Variants in ZNF618 observed in about 807,000 individuals in gnomAD.
ZNF618 encodes zinc finger protein 618.
ZNF618 carries 34 observed loss-of-function variants against 103.0 expected under a neutral mutation model. The ratio of observed to expected loss-of-function variants is 0.33; its 90% CI spans 0.25 to 0.44. ZNF618 has a LOEUF of 0.44. Among genes scored for constraint, ZNF618 ranks in the 20% least tolerant of loss-of-function variants. ZNF618 has a pLI of 1.00. For synonymous variants in ZNF618, 551 were observed against 542.2 expected, an observed-to-expected ratio of 1.02 and a Z score of -0.23; for missense variants, 1,059 against 1,295.4, an observed-to-expected ratio of 0.82 and a Z score of 2.80.
intron 1 of ZNF618, among the ~76,000 whole-genome samples, chr9:113,905,859 TC>T (rs1437596083): frequency 6.6e-6 from 1 of 152,188 alleles, no homozygotes; most frequent in Admixed American, 6.5e-5. Context: ...ACCTCTGAGC[TC>T]TGCTTGGTTT....
intron 10 of ZNF618, among the ~76,000 whole-genome samples, chr9:114,024,465 T>G (rs761672211): frequency 2.6e-5 from 4 of 152,282 alleles, no homozygotes; most frequent in Admixed American, 6.5e-5. Context: ...TGTCTTCCTT[T>G]GAAAAGAGTT....
intron 1 of ZNF618, among the ~76,000 whole-genome samples, chr9:113,880,799 C>A (rs1280693458): frequency 1.3e-5 from 2 of 152,150 alleles, no homozygotes; most frequent in African/African-American, 4.8e-5. Context: ...CTGTGGGTCA[C>A]GGCCAAAAGA....
chr9:113,985,886 T>G (rs1588239569), intron 2 of ZNF618, among the ~76,000 whole-genome samples: 1 of 152,220 alleles, frequency 6.6e-6, no homozygotes, highest in Non-Finnish European at 1.5e-5. Context: ...AAGGAATTAG[T>G]ATGTTAGAAC....
rs555001167 is a variant in ZNF618, at chr9:113,939,682, T to G, written c.34-29435T>G. 2.0e-5 allele frequency among the ~76,000 whole-genome samples: 3 copies of G among 152,218 alleles called. No individual in the cohort carries two copies. In the South Asian group the frequency reaches 6.2e-4, roughly 32 times the overall value. The stretch of plus-strand genomic sequence containing the variant: ...TTTTCTATTTCCTCTTGAGTCAATT[T>G]TGGGTAATTTTTATTATTTACAAAA... On this transcript the variant is annotated intron_variant, in intron 1 of 14. Transcript: ENST00000374126.
intron 4 of ZNF618, among the ~76,000 whole-genome samples, chr9:114,000,551 T>C (rs1841091336): frequency 6.6e-6 from 1 of 150,414 alleles, no homozygotes; most frequent in Non-Finnish European, 1.5e-5. Context: ...CAATTCTTCT[T>C]CCAGTGTGAC....
chr9:113,880,819 G>A (rs1564121203), intron 1 of ZNF618, among the ~76,000 whole-genome samples: 2 of 152,298 alleles, frequency 1.3e-5, no homozygotes, highest in African/African-American at 2.4e-5. Flanking sequence ...AGTTTGAAAG[G>A]TACTGGACTA....
At chr9:113,879,175 G>T (rs1828251826) in intron 1 of ZNF618, among the ~76,000 whole-genome samples, 1 of 151,726 alleles carries the variant, frequency 6.6e-6, no homozygotes, top group Admixed American at 6.6e-5. Context: ...GGGAGGGGTG[G>T]AGGGGGGTAG....
intron 1 of ZNF618, among the ~76,000 whole-genome samples, chr9:113,938,750 A>T (rs2132011098): frequency 6.6e-6 from 1 of 151,722 alleles, no homozygotes; most frequent in East Asian, 2.0e-4. Context: ...TTGTATTTTT[A>T]GTAGAGACGG....
chr9:113,896,606 C>T (rs1415667937), intron 1 of ZNF618, among the ~76,000 whole-genome samples: 1 of 151,896 alleles, frequency 6.6e-6, no homozygotes, highest in Non-Finnish European at 1.5e-5. Context: ...ACATAAGCCA[C>T]TTTTATATAT....
intron 9 of ZNF618, among the ~76,000 whole-genome samples, chr9:114,012,362 AG>A (rs1842332380): frequency 6.6e-6 from 1 of 152,142 alleles, no homozygotes; most frequent in Non-Finnish European, 1.5e-5. Flanking sequence ...GGTGAAAGAG[AG>A]AGAGAGCAAG....
chr9:113,900,989 A>G (rs572819654), intron 1 of ZNF618, among the ~76,000 whole-genome samples: 339 of 19,582 alleles, frequency 0.017, 15 homozygotes, highest in African/African-American at 0.064. Flanking sequence ...CCTCTCCCGC[A>G]AACCCGACCT....
intron 1 of ZNF618, among the ~76,000 whole-genome samples, chr9:113,901,926 G>A (rs1830592553): frequency 6.6e-6 from 1 of 152,106 alleles, no homozygotes; most frequent in African/African-American, 2.4e-5. Context: ...GGGACATCGC[G>A]CTGAGCATCT....
intron 1 of ZNF618, among the ~76,000 whole-genome samples, chr9:113,899,797 A>T (rs879880631): frequency 6.6e-6 from 1 of 152,216 alleles, no homozygotes; most frequent in Non-Finnish European, 1.5e-5. Context: ...GTTGTAGCAC[A>T]TGGCAGGTTC....
chr9:113,981,099 G>T (rs1000786691), intron 2 of ZNF618, among the ~76,000 whole-genome samples: 1 of 152,206 alleles, frequency 6.6e-6, no homozygotes, highest in Non-Finnish European at 1.5e-5. Context: ...ATGCATGCAT[G>T]CATTCATGGA....
intron 1 of ZNF618, among the ~76,000 whole-genome samples, chr9:113,946,398 CAAAA>C (rs58064458): frequency 8.7e-6 from 1 of 114,872 alleles, no homozygotes; most frequent in African/African-American, 3.5e-5. Context: ...GGGAAGTCTT[CAAAA>C]AAAAAAAAAA....
At chr9:114,038,787 A>G (rs981195657) in intron 13 of ZNF618, among the ~76,000 whole-genome samples, 4 of 152,164 alleles carry the variant, frequency 2.6e-5, no homozygotes, top group Non-Finnish European at 4.4e-5. Context: ...CTGATTAGGT[A>G]GTTGACGTTT....
At chr9:113,876,935 G>T (rs1159391581) in intron 1 of ZNF618, among the ~76,000 whole-genome samples, 1 of 147,886 alleles carries the variant, frequency 6.8e-6, no homozygotes, top group African/African-American at 2.5e-5. Context: ...TCAAACGGTA[G>T]TTTTTTCCCA....
chr9:113,939,203 T>C (rs151082887), intron 1 of ZNF618, among the ~76,000 whole-genome samples: 39 of 152,320 alleles, frequency 2.6e-4, no homozygotes, highest in Non-Finnish European at 5.3e-4. Context: ...TTGTTAAATA[T>C]TTGAGGGAGG....
chr9:113,963,620 A>G (rs938599515), intron 1 of ZNF618, among the ~76,000 whole-genome samples: 1 of 152,248 alleles, frequency 6.6e-6, no homozygotes, highest in Non-Finnish European at 1.5e-5. Flanking sequence ...TCCAAGAACT[A>G]TCTGCTGAGT....
Sources: gnomAD v4.1 joint callset for allele counts (sites outside exome capture counted in the v4.1 genomes callset) on GRCh38, gnomAD v4.1.1 for gene constraint, MANE v1.5 for transcripts, NCBI Gene and HGNC (gene_info 2026-07-23, HGNC 2026-07-21) for gene names.